Variants in BMPR1B observed in about 807,000 individuals in gnomAD.
The protein encoded by BMPR1B is bone morphogenetic protein receptor type 1B.
A neutral mutation model predicts 59.1 loss-of-function variants in BMPR1B; 12 were observed. The observed-to-expected ratio is 0.20, with a 90% confidence interval of 0.13 to 0.33. The LOEUF is 0.33. Ranked by LOEUF, BMPR1B falls within the 10% of genes least tolerant of loss-of-function variation. The pLI is 1.00. For synonymous variants in BMPR1B, 237 were observed against 207.3 expected, an observed-to-expected ratio of 1.14 and a Z score of -1.23; for missense variants, 550 against 610.9, an observed-to-expected ratio of 0.90 and a Z score of 1.05.
chr4:95,138,685 T>G (rs1424051030), intron 10 of BMPR1B, among the ~76,000 whole-genome samples: 2 of 152,330 alleles, frequency 1.3e-5, no homozygotes, highest in Non-Finnish European at 2.9e-5. Context: ...ACCCTTTCTT[T>G]CACTTGATCG....
At chr4:95,007,701 C>T (rs191551818) in intron 3 of BMPR1B, among the ~76,000 whole-genome samples, 1 of 152,250 alleles carries the variant, frequency 6.6e-6, no homozygotes, top group Non-Finnish European at 1.5e-5. Flanking sequence ...ATTTTATACA[C>T]AGAAAAATCA....
At chr4:94,864,356 A>C (rs1473163640) in intron 1 of BMPR1B, among the ~76,000 whole-genome samples, 1 of 152,160 alleles carries the variant, frequency 6.6e-6, no homozygotes, top group African/African-American at 2.4e-5. Flanking sequence ...AGGATTAAAA[A>C]AACGCCAAGC....
chr4:94,798,526 C>A (rs536613225), intron 1 of BMPR1B, among the ~76,000 whole-genome samples: 2 of 152,206 alleles, frequency 1.3e-5, no homozygotes, highest in Non-Finnish European at 2.9e-5. Flanking sequence ...AATCTGATCA[C>A]ATCCAGCCTC....
At chr4:94,883,788 CAT>C (rs1027114578) in intron 2 of BMPR1B, among the ~76,000 whole-genome samples, 10 of 152,174 alleles carry the variant, frequency 6.6e-5, no homozygotes, top group Middle Eastern at 3.4e-3. Context: ...CTTTGAGGAA[CAT>C]GTGATTTTTT....
At chr4:95,051,407 G>T (rs201724536) in intron 3 of BMPR1B, among the ~76,000 whole-genome samples, 1 of 152,146 alleles carries the variant, frequency 6.6e-6, no homozygotes, top group Non-Finnish European at 1.5e-5. Flanking sequence ...AAGCCCCGGC[G>T]TGTGCTAGCC....
intron 3 of BMPR1B, among the ~76,000 whole-genome samples, chr4:95,010,330 C>T (rs1308471945): frequency 6.6e-6 from 1 of 152,164 alleles, no homozygotes; most frequent in Non-Finnish European, 1.5e-5. Context: ...TGTGTTTTCT[C>T]ATTACTGCTG....
intron 2 of BMPR1B, among the ~76,000 whole-genome samples, chr4:94,954,151 T>C (rs1730054858): frequency 6.6e-6 from 1 of 152,184 alleles, no homozygotes; most frequent in Non-Finnish European, 1.5e-5. Flanking sequence ...TTAGAGAGCA[T>C]GTTGTCAGAT....
At chr4:95,078,468 A>G (rs1232321745) in intron 3 of BMPR1B, among the ~76,000 whole-genome samples, 1 of 152,202 alleles carries the variant, frequency 6.6e-6, no homozygotes, top group African/African-American at 2.4e-5. Flanking sequence ...TAAGTGCGTT[A>G]TATCATACTT....
At chr4:95,112,158 C>G (rs1049040053) in intron 4 of BMPR1B, among the ~76,000 whole-genome samples, 3 of 152,048 alleles carry the variant, frequency 2.0e-5, no homozygotes, top group African/African-American at 7.2e-5. Flanking sequence ...CTGATTCATC[C>G]TATGTTCATG....
intron 1 of BMPR1B, among the ~76,000 whole-genome samples, chr4:94,758,642 C>A (rs1414078016): frequency 6.6e-6 from 1 of 152,136 alleles, no homozygotes; most frequent in Non-Finnish European, 1.5e-5. Flanking sequence ...GGTCCCGGCG[C>A]CTTGGACTGG....
In BMPR1B at chr4:94,927,365, T is replaced by G. The variant is rs368583884; in HGVS notation, c.-113+51465T>G. 4.1e-4 allele frequency among the ~76,000 whole-genome samples: 62 copies of G among 152,164 alleles called. No individual in the cohort carries two copies. In the East Asian group the frequency reaches 4.3e-3, roughly 10 times the overall value. On this transcript the variant is annotated intron_variant, in intron 2 of 12. Transcript: ENST00000515059. The stretch of plus-strand genomic sequence containing the variant: ...TTAAGGCAAAAGCAAAAATAAACAA[T>G]ATTCAAAATGAAACATAGGAACTAT...
intron 3 of BMPR1B, among the ~76,000 whole-genome samples, chr4:95,040,626 G>A (rs904882293): frequency 3.3e-5 from 5 of 152,194 alleles, no homozygotes; most frequent in Non-Finnish European, 5.9e-5. Context: ...GGCAAGTCAG[G>A]TTATTAGCTC....
chr4:95,033,349 C>CAA (rs1378616461), intron 3 of BMPR1B, among the ~76,000 whole-genome samples: 3 of 151,226 alleles, frequency 2.0e-5, no homozygotes, highest in Non-Finnish European at 4.4e-5. Context: ...GTGTTATATC[C>CAA]AAGAAATCAC....
rs571607080 is a variant in BMPR1B at position 94,892,048 on chromosome 4, CAAA to C, written c.-113+16153_-113+16155del. ...AAACTTCATTAAGAGTGGTCCTTTT[CAAA>C]AAAACTCATGTCTCATTTAGGGAAA... On this transcript the variant is annotated intron_variant, in intron 2 of 12. Transcript: ENST00000515059. Among the ~76,000 whole-genome samples, 15 of 152,066 alleles carry C rather than the reference CAAA, an allele frequency of 9.9e-5. No homozygotes were observed. The East Asian group carries it at 2.3e-3, about 24-fold the overall frequency.
intron 10 of BMPR1B, among the ~76,000 whole-genome samples, chr4:95,143,702 T>G (rs958308304): frequency 2.0e-5 from 3 of 152,196 alleles, no homozygotes; most frequent in African/African-American, 7.2e-5. Context: ...CTTTAAATAA[T>G]CCTAGCTGAG....
intron 2 of BMPR1B, among the ~76,000 whole-genome samples, chr4:94,920,939 G>A (rs1189040820): frequency 6.6e-6 from 1 of 152,062 alleles, no homozygotes; most frequent in East Asian, 1.9e-4. Flanking sequence ...TTTAGTCCTG[G>A]AATAATATGT....
intron 1 of BMPR1B, among the ~76,000 whole-genome samples, chr4:94,819,588 CTG>C (rs557669323): frequency 6.6e-6 from 1 of 152,292 alleles, no homozygotes; most frequent in East Asian, 1.9e-4. Context: ...GCTGCTTACT[CTG>C]TGTGTGTGTA....
At chr4:94,840,469 T>A (rs1725011945) in intron 1 of BMPR1B, among the ~76,000 whole-genome samples, 1 of 147,316 alleles carries the variant, frequency 6.8e-6, no homozygotes, top group Non-Finnish European at 1.5e-5. Flanking sequence ...TTCTTTTTAT[T>A]CTTTTTTTCT....
chr4:94,905,654 C>T (rs772540912), intron 2 of BMPR1B, among the ~76,000 whole-genome samples: 1 of 152,058 alleles, frequency 6.6e-6, no homozygotes, highest in African/African-American at 2.4e-5. Context: ...TTTTGTTGCA[C>T]GTTCTGCATT....
Sources: allele counts gnomAD v4.1 joint callset (sites outside exome capture counted in the v4.1 genomes callset), GRCh38; gene constraint gnomAD v4.1.1; transcripts MANE v1.5; gene names NCBI Gene and HGNC (gene_info 2026-07-23, HGNC 2026-07-21).